The following STK33 variants were observed in gnomAD, a reference collection of about 807,000 sequenced individuals.
STK33 encodes the protein serine/threonine-protein kinase 33.
A neutral mutation model predicts 58.0 loss-of-function variants in STK33; 52 were observed. That is an observed-to-expected ratio of 0.90 (90% CI 0.72 to 1.13). The LOEUF is 1.13. Among genes scored for constraint, STK33 ranks in the 50% most tolerant of loss-of-function variants. The probability of loss-of-function intolerance (pLI) is 0.00; values close to 1 mark genes in which losing one functional copy is unlikely to be tolerated. For missense variants in STK33, 630 were observed against 604.2 expected (o/e 1.04, Z -0.45); for synonymous variants, 215 against 200.1 (o/e 1.07, Z -0.63).
chr11:8,491,289 T>C (rs150827300), intron 1 of STK33, among the ~76,000 whole-genome samples: 1 of 152,236 alleles, frequency 6.6e-6, no homozygotes, highest in African/African-American at 2.4e-5. Context: ...AAGAACTACA[T>C]GATGCATGTA....
At chr11:8,559,766 A>G (rs1474965466) in intron 1 of STK33, among the ~76,000 whole-genome samples, 1 of 152,212 alleles carries the variant, frequency 6.6e-6, no homozygotes, top group Non-Finnish European at 1.5e-5. Flanking sequence ...ATAAGAGTCC[A>G]GAGCATCTCC....
intron 1 of STK33, among the ~76,000 whole-genome samples, chr11:8,513,917 C>G (rs2139555758): frequency 6.6e-6 from 1 of 152,244 alleles, no homozygotes; most frequent in East Asian, 1.9e-4. Context: ...CTTATTCATT[C>G]TATTTTTTGT....
At chr11:8,410,541 T>C (rs1383543353) in intron 15 of STK33, among the ~76,000 whole-genome samples, 1 of 151,218 alleles carries the variant, frequency 6.6e-6, no homozygotes, top group Admixed American at 6.6e-5. Flanking sequence ...GGCGTGATCT[T>C]GGCTAACTGC....
Position 8,436,172 on chromosome 11 carries a change from T to C in STK33, c.948-33A>G, listed in dbSNP as rs765042733. 1.1e-5 allele frequency: 15 copies of C among 1,311,196 alleles called. No individual in the cohort carries two copies. The African/African-American group carries it at 2.3e-4, about 20-fold the overall frequency. 81.2% of individuals were successfully genotyped at this position (1,311,196 alleles called of 1,614,324 possible). On this transcript the variant is annotated intron_variant, in intron 12 of 15. Coordinates refer to ENST00000687296, the MANE Select transcript of STK33 (RefSeq NM_001352389.2). ...AAAGGCAATCACTTTGTTTAAATTT[T>C]TTAAATAATAAAAATAAGCCTATTA...
chr11:8,410,888 G>C (rs1228742258), intron 15 of STK33, among the ~76,000 whole-genome samples: 2 of 152,230 alleles, frequency 1.3e-5, no homozygotes, highest in Non-Finnish European at 2.9e-5. Context: ...AAATATACTT[G>C]TATTGCATCT....
At chr11:8,436,575 C>G (rs1944091965) in intron 12 of STK33, among the ~76,000 whole-genome samples, 1 of 152,180 alleles carries the variant, frequency 6.6e-6, no homozygotes, top group Non-Finnish European at 1.5e-5. Context: ...CTGAAAAATA[C>G]AATGAGTTAT....
the STK33 span, among the ~76,000 whole-genome samples, chr11:8,338,490 G>T: frequency 1.3e-5 from 2 of 152,148 alleles, no homozygotes; most frequent in Non-Finnish European, 2.9e-5. Flanking sequence ...AGCCGGCCAG[G>T]ACGGTGCCAC....
chr11:8,561,341 C>T (rs1957099309), intron 1 of STK33, among the ~76,000 whole-genome samples: 1 of 152,192 alleles, frequency 6.6e-6, no homozygotes, highest in African/African-American at 2.4e-5. Context: ...ACACATTCCA[C>T]CAAAACTCAG....
intron 15 of STK33, among the ~76,000 whole-genome samples, chr11:8,408,977 A>C (rs1353514462): frequency 6.6e-6 from 1 of 152,230 alleles, no homozygotes; most frequent in African/African-American, 2.4e-5. Context: ...AGCATCTACC[A>C]AAATCCCAGA....
At chr11:8,378,398 A>G in the STK33 span, among the ~76,000 whole-genome samples, 5 of 152,272 alleles carry the variant, frequency 3.3e-5, no homozygotes, top group Non-Finnish European at 4.4e-5. Context: ...CATGCCTGTA[A>G]TCCCATCTAC....
chr11:8,422,291 G>A (rs1462837799), intron 14 of STK33, among the ~76,000 whole-genome samples: 1 of 151,990 alleles, frequency 6.6e-6, no homozygotes, highest in Non-Finnish European at 1.5e-5. Flanking sequence ...ATTCATCATT[G>A]TATTGTTGGG....
At chr11:8,389,765 T>C (rs908777477), downstream of STK33, among the ~76,000 whole-genome samples, 2 of 152,032 alleles carry the variant, frequency 1.3e-5, no homozygotes, top group Non-Finnish European at 2.9e-5. Context: ...GATGTTTTGA[T>C]TTTTTTTGGC....
chr11:8,588,034 C>T (rs2031994266), intron 1 of STK33, among the ~76,000 whole-genome samples: 2 of 152,126 alleles, frequency 1.3e-5, no homozygotes, highest in Admixed American at 6.5e-5. Flanking sequence ...GGTACTCTTC[C>T]TAGTTTGCAG....
intron 11 of STK33, among the ~76,000 whole-genome samples, chr11:8,446,901 G>A (rs192114441): frequency 1.3e-5 from 2 of 152,266 alleles, no homozygotes; most frequent in African/African-American, 4.8e-5. Context: ...TCAGGATATA[G>A]GCATGGGCAA....
At chr11:8,565,826 C>A (rs775044932) in intron 1 of STK33, 1 of 152,254 alleles carries the variant, frequency 6.6e-6, no homozygotes, top group Non-Finnish European at 1.5e-5. Flanking sequence ...AGCTACAGGA[C>A]TCCCTCGTTC....
chr11:8,343,589 G>A, the STK33 span, among the ~76,000 whole-genome samples: 1 of 152,206 alleles, frequency 6.6e-6, no homozygotes. Context: ...GTGCCCGCAA[G>A]GCACTCTCAC....
chr11:8,337,585 G>A, the STK33 span, among the ~76,000 whole-genome samples: 1 of 149,258 alleles, frequency 6.7e-6, no homozygotes, highest in Non-Finnish European at 1.5e-5. Flanking sequence ...GCGGAGCCAC[G>A]GAGCCACGAG....
intron 1 of STK33, among the ~76,000 whole-genome samples, chr11:8,563,037 T>C (rs1957220415): frequency 6.6e-6 from 1 of 152,148 alleles, no homozygotes; most frequent in Admixed American, 6.5e-5. Context: ...TGCTTCTCAG[T>C]TCAAGGAGAG....
intron 11 of STK33, among the ~76,000 whole-genome samples, chr11:8,445,653 T>C (rs1258510389): frequency 6.6e-6 from 1 of 152,184 alleles, no homozygotes; most frequent in Non-Finnish European, 1.5e-5. Context: ...GGTTTTTGTC[T>C]TTGGTTCTGT....
Sources: gnomAD v4.1 joint callset for allele counts (sites outside exome capture counted in the v4.1 genomes callset) on GRCh38, gnomAD v4.1.1 for gene constraint, MANE v1.5 for transcripts, NCBI Gene and HGNC (gene_info 2026-07-23, HGNC 2026-07-21) for gene names.